Variants in CLIC5 observed in about 807,000 individuals in gnomAD.
CLIC5 encodes chloride intracellular channel protein 5.
CLIC5 carries 20 observed loss-of-function variants against 24.7 expected under a neutral mutation model. The ratio of observed to expected loss-of-function variants is 0.81; its 90% CI spans 0.57 to 1.18. The LOEUF (loss-of-function observed/expected upper bound fraction) is 1.18. Among genes scored for constraint, CLIC5 ranks in the 50% most tolerant of loss-of-function variants. The pLI is 0.00. For synonymous variants in CLIC5, 159 were observed against 135.6 expected, an observed-to-expected ratio of 1.17 and a Z score of -1.20; for missense variants, 341 against 326.1, an observed-to-expected ratio of 1.05 and a Z score of -0.35.
intron 1 of CLIC5, among the ~76,000 whole-genome samples, chr6:46,035,268 T>C (rs1378594641): frequency 6.6e-6 from 1 of 152,148 alleles, no homozygotes; most frequent in Non-Finnish European, 1.5e-5. Context: ...GCAGAAGTTT[T>C]CAAGCCACTG....
chr6:45,920,293 C>T, intron 4 of CLIC5: 1 of 984,540 alleles, frequency 1.0e-6, no homozygotes, highest in Non-Finnish European at 1.2e-6. Flanking sequence ...GTACTAGGGG[C>T]CAGTGCTGTC....
intron 5 of CLIC5, among the ~76,000 whole-genome samples, chr6:45,908,688 T>C (rs1202554696): frequency 6.6e-6 from 1 of 152,164 alleles, no homozygotes; most frequent in East Asian, 1.9e-4. Context: ...GCTTTATGAC[T>C]GAGCATGTGG....
At chr6:45,906,628 T>C (rs919769563) in intron 5 of CLIC5, among the ~76,000 whole-genome samples, 3 of 151,572 alleles carry the variant, frequency 2.0e-5, no homozygotes, top group South Asian at 2.1e-4. Context: ...AATGGTGCAA[T>C]CTCTGCTCAC....
chr6:46,008,142 A>G (rs906404516), intron 1 of CLIC5, among the ~76,000 whole-genome samples: 2 of 151,940 alleles, frequency 1.3e-5, no homozygotes, highest in Non-Finnish European at 2.9e-5. Flanking sequence ...ACTCCCCACT[A>G]CTTACAAGGG....
rs565859796 is a variant in CLIC5, at chr6:46,077,092, A to C, written c.540+2611T>G. 4.1e-3 allele frequency among the ~76,000 whole-genome samples: 618 copies of C among 150,456 alleles called. 1 individual carries two copies. The highest frequency in any genetic ancestry group is 5.0e-3 in the Non-Finnish European group (340 of 67,384). The stretch of plus-strand genomic sequence containing the variant: ...GGTGGCAGAGTGAAACTCCGTCCCA[A>C]AAAAAAAAAAGTGCATGGGAGACGA... On this transcript the variant is annotated intron_variant, in intron 1 of 5. Transcript: ENST00000185206.
chr6:46,073,439 C>A (rs1762676044), intron 1 of CLIC5, among the ~76,000 whole-genome samples: 1 of 152,136 alleles, frequency 6.6e-6, no homozygotes, highest in African/African-American at 2.4e-5. Context: ...AATACGTGGA[C>A]ACATCCAGAT....
chr6:45,907,768 T>C (rs1762702016), intron 5 of CLIC5, among the ~76,000 whole-genome samples: 1 of 152,216 alleles, frequency 6.6e-6, no homozygotes, highest in African/African-American at 2.4e-5. Flanking sequence ...TGACTTTGTA[T>C]ACTGAACCTT....
chr6:45,918,271 C>T (rs565807859), intron 4 of CLIC5, among the ~76,000 whole-genome samples: 55 of 152,120 alleles, frequency 3.6e-4, no homozygotes, highest in Non-Finnish European at 6.6e-4. Flanking sequence ...ACATAAGACC[C>T]AATATTGTTT....
Position 45,983,760 on chromosome 6 carries a change from C to T in CLIC5, c.64-28516G>A, listed in dbSNP as rs145030554. On this transcript the variant is annotated intron_variant, in intron 1 of 5. Coordinates refer to ENST00000339561, the MANE Select transcript of CLIC5 (RefSeq NM_016929.5). ...TCCTCACCTGGTAAGGGCTAAGAAC[C>T]TGCCTTCGGGCCTGAAATATAATGC... is the stretch of plus-strand genomic sequence containing the variant. 2.5e-3 allele frequency among the ~76,000 whole-genome samples: 384 copies of T among 152,332 alleles called. 2 individuals are homozygous for T. Among genetic ancestry groups the T allele is most frequent in the African/African-American group, 8.9e-3 (370 of 41,568 alleles).
chr6:45,923,068 T>C (rs980791432), intron 4 of CLIC5, among the ~76,000 whole-genome samples: 4 of 152,354 alleles, frequency 2.6e-5, no homozygotes, highest in Admixed American at 6.5e-5. Context: ...TGTTTTCTAT[T>C]AGACTTTCCA....
the CLIC5 span, among the ~76,000 whole-genome samples, chr6:46,114,350 C>G: frequency 1.3e-5 from 2 of 152,154 alleles, no homozygotes; most frequent in Admixed American, 1.3e-4. Flanking sequence ...CAAATTTTAC[C>G]TATTGGCAGC....
intron 1 of CLIC5, among the ~76,000 whole-genome samples, chr6:46,027,024 C>T (rs1286459629): frequency 1.3e-5 from 2 of 152,072 alleles, no homozygotes; most frequent in Non-Finnish European, 2.9e-5. Flanking sequence ...ATCTACTGAC[C>T]ACCTATTTAT....
the CLIC5 span, among the ~76,000 whole-genome samples, chr6:46,120,327 G>A: frequency 6.6e-6 from 1 of 152,206 alleles, no homozygotes; most frequent in Non-Finnish European, 1.5e-5. Context: ...AACAGGGTCT[G>A]GAGTGGACCT....
intron 5 of CLIC5, 94 bp from the exon 6 acceptor site, chr6:45,903,349 G>A: frequency 1.7e-6 from 2 of 1,147,848 alleles, no homozygotes; most frequent in Non-Finnish European, 2.4e-6. Flanking sequence ...TGCACTGCAG[G>A]AAACCTCCGT....
intron 1 of CLIC5, among the ~76,000 whole-genome samples, chr6:46,011,473 A>T (rs114132917): frequency 0.012 from 1,890 of 152,350 alleles, 13 homozygotes; most frequent in Admixed American, 0.021. Flanking sequence ...ACCCACAGAC[A>T]CACTGATGTA....
At chr6:46,053,560 TGG>T in intron 1 of CLIC5, among the ~76,000 whole-genome samples, 1 of 152,284 alleles carries the variant, frequency 6.6e-6, no homozygotes, top group East Asian at 1.9e-4. Context: ...ATTTAGAAAG[TGG>T]CCTTCCCTCC....
At chr6:45,951,230 T>C (rs1764458033) in intron 2 of CLIC5, among the ~76,000 whole-genome samples, 1 of 152,156 alleles carries the variant, frequency 6.6e-6, no homozygotes, top group Non-Finnish European at 1.5e-5. Flanking sequence ...AAAGCAACAG[T>C]GCATTTCTCC....
intron 4 of CLIC5, among the ~76,000 whole-genome samples, chr6:45,940,114 C>T (rs1222870174): frequency 6.6e-6 from 1 of 152,164 alleles, no homozygotes; most frequent in Non-Finnish European, 1.5e-5. Flanking sequence ...GACTTTTTCT[C>T]AACTTCCCCG....
intron 4 of CLIC5, chr6:45,918,819 C>T (rs868472313): frequency 2.3e-5 from 8 of 348,074 alleles, no homozygotes; most frequent in South Asian, 1.1e-4. Context: ...ACTGAATTCC[C>T]GCAGTGAGCT....
Sources: allele counts gnomAD v4.1 joint callset (sites outside exome capture counted in the v4.1 genomes callset), GRCh38; gene constraint gnomAD v4.1.1; transcripts MANE v1.5; gene names NCBI Gene and HGNC (gene_info 2026-07-23, HGNC 2026-07-21).